AKAP13: variants seen among roughly 807,000 people sequenced by gnomAD.
The protein encoded by AKAP13 is A-kinase anchoring protein 13.
AKAP13 carries 80 observed loss-of-function variants against 264.5 expected under a neutral mutation model. That is an observed-to-expected ratio of 0.30 (90% CI 0.25 to 0.36). The LOEUF (loss-of-function observed/expected upper bound fraction) is 0.36. Ranked by LOEUF, AKAP13 falls within the 10% of genes least tolerant of loss-of-function variation. AKAP13 has a pLI of 1.00. For missense variants in AKAP13, 3,712 were observed against 3,435.2 expected (o/e 1.08, Z -2.01); for synonymous variants, 1,380 against 1,250.2 (o/e 1.10, Z -2.19).
chr15:85,441,193 G>A (rs1354129892), intron 1 of AKAP13, among the ~76,000 whole-genome samples: 1 of 151,852 alleles, frequency 6.6e-6, no homozygotes, highest in African/African-American at 2.4e-5. Flanking sequence ...CCAATACTTG[G>A]TATTTTTAAT....
At chr15:85,686,875 A>T (rs890440563) in intron 16 of AKAP13, among the ~76,000 whole-genome samples, 3 of 152,088 alleles carry the variant, frequency 2.0e-5, no homozygotes, top group Admixed American at 6.5e-5. Context: ...ACCTTGAAAA[A>T]CTTTATGATC....
intron 1 of AKAP13, among the ~76,000 whole-genome samples, chr15:85,458,605 GT>G (rs1160244413): frequency 6.6e-6 from 1 of 151,918 alleles, no homozygotes; most frequent in Non-Finnish European, 1.5e-5. Flanking sequence ...ATTTGTAAAT[GT>G]TTGATTTTTA....
intron 8 of AKAP13, among the ~76,000 whole-genome samples, chr15:85,620,408 A>C (rs2081130106): frequency 6.6e-6 from 1 of 152,186 alleles, no homozygotes; most frequent in Non-Finnish European, 1.5e-5. Context: ...ACTTTCATTA[A>C]AATGGATTCT....
intron 8 of AKAP13, among the ~76,000 whole-genome samples, chr15:85,633,628 G>C (rs2081955025): frequency 7.1e-6 from 1 of 140,430 alleles, no homozygotes; most frequent in East Asian, 2.1e-4. Flanking sequence ...ACTGCAAGCT[G>C]AGCCTCCCGG....
intron 5 of AKAP13, among the ~76,000 whole-genome samples, chr15:85,561,219 G>A (rs1466660386): frequency 6.6e-6 from 1 of 151,970 alleles, no homozygotes; most frequent in African/African-American, 2.4e-5. Flanking sequence ...CACCACACCT[G>A]GCTAATTTTT....
rs895693756 is a variant in AKAP13 at position 85,582,110 on chromosome 15, A to G, written c.4039+3A>G. ...CCAGGGGCCTGAGCCAGCAGCAGGT[A>G]AGCAAAACATAATACAAAATTAACA... On this transcript the variant is annotated splice_donor_region_variant and intron_variant, in intron 7 of 36. Coordinates refer to ENST00000394518, the MANE Select transcript of AKAP13 (RefSeq NM_007200.5). The G allele has an allele frequency of 4.4e-6, 7 of 1,581,382 alleles. No homozygotes were observed.
intron 1 of AKAP13, among the ~76,000 whole-genome samples, chr15:85,417,012 T>C (rs1469689232): frequency 6.6e-6 from 1 of 152,244 alleles, no homozygotes; most frequent in East Asian, 1.9e-4. Flanking sequence ...GGATTTTTAT[T>C]CACTAGTTTG....
chr15:85,380,662 A>G lies in AKAP13; in HGVS notation c.-148A>G. 6.6e-6 allele frequency: 1 copy of G among 151,490 alleles called. No individual in the cohort carries two copies. Among genetic ancestry groups the G allele is most frequent in the East Asian group, 2.0e-4 (1 of 5,036 alleles). 9.4% of individuals were successfully genotyped at this position (151,490 alleles called of 1,614,324 possible). A position where few individuals can be genotyped will look rare whatever the true frequency, so the allele number is the denominator to read the frequency against. On this transcript the variant is annotated 5_prime_UTR_variant, in exon 1 of 37. Transcript: ENST00000394518. ...GGTGAAGCGCCTGTGCTCTGCCGAG[A>G]CTGCCGTGCCCATTGCTCGCCTCGG...
At chr15:85,620,178 G>C (rs1353641015) in intron 8 of AKAP13, 8 of 1,535,164 alleles carry the variant, frequency 5.2e-6, no homozygotes, top group Non-Finnish European at 6.1e-6. Flanking sequence ...TGAAGGTAAG[G>C]GGGGCTGCAC....
intron 4 of AKAP13, chr15:85,535,566 C>T (rs1034628928): frequency 7.9e-5 from 12 of 152,126 alleles, no homozygotes; most frequent in Non-Finnish European, 4.4e-5. Context: ...ACCTCTAGCT[C>T]CTCCTATTTC....
In AKAP13 at chr15:85,514,306, TA is replaced by T. The variant is rs1264195219; in HGVS notation, c.34-7115del. On this transcript the variant is annotated intron_variant, in intron 2 of 36. Transcript: ENST00000394518. Reference sequence around the variant, plus strand: ...TATGGACTCATGACTTCCTATTTGTTAAAAAAATTGTTTATAATTTATTGCT... The same window carrying T: ...TATGGACTCATGACTTCCTATTTGTTAAAAAATTGTTTATAATTTATTGCT... Among the ~76,000 whole-genome samples, 2 of 138,480 alleles carry T rather than the reference TA, an allele frequency of 1.4e-5. 1 individual carries two copies. Among genetic ancestry groups the T allele is most frequent in the Admixed American group, 1.5e-4 (2 of 13,762 alleles). 90.8% of individuals were successfully genotyped at this position (138,480 alleles called of 152,430 possible).
intron 8 of AKAP13, among the ~76,000 whole-genome samples, chr15:85,614,208 G>A (rs932700366): frequency 3.3e-5 from 5 of 152,308 alleles, no homozygotes; most frequent in South Asian, 2.1e-4. Context: ...CTGAGGAGCC[G>A]TTGTGGGAAT....
At chr15:85,442,529 TATAATA>T (rs1567059815) in intron 1 of AKAP13, among the ~76,000 whole-genome samples, 3 of 124,768 alleles carry the variant, frequency 2.4e-5, no homozygotes, top group African/African-American at 9.3e-5. Context: ...TTATATTATA[TATAATA>T]TATATTATAT....
At chr15:85,631,752 C>T (rs888113937) in intron 8 of AKAP13, among the ~76,000 whole-genome samples, 1 of 152,076 alleles carries the variant, frequency 6.6e-6, no homozygotes, top group African/African-American at 2.4e-5. Flanking sequence ...TGGGGATAAA[C>T]GGGAACTTTC....
chr15:85,727,798 A>G lies in AKAP13; in HGVS notation c.7087+335A>G, dbSNP rs1018532671. Among the ~76,000 whole-genome samples the G allele has an allele frequency of 6.6e-6, 1 of 152,198 alleles. No homozygotes were observed. Among genetic ancestry groups the G allele is most frequent in the African/African-American group, 2.4e-5 (1 of 41,446 alleles). Reference sequence around the variant, plus strand: ...ATTTGTAGTCACATCTAAGATTAAAACAAGGAGAGAAAGGAATTTGGGGAA... The same window carrying G: ...ATTTGTAGTCACATCTAAGATTAAAGCAAGGAGAGAAAGGAATTTGGGGAA... On this transcript the variant is annotated intron_variant, in intron 29 of 36. Transcript: ENST00000394518. The surrounding 1 kb of genome is among the most constrained non-coding windows in gnomAD (Gnocchi z 5.3).
chr15:85,447,371 T>TA (rs552221851), intron 1 of AKAP13, among the ~76,000 whole-genome samples: 1 of 151,980 alleles, frequency 6.6e-6, no homozygotes, highest in Non-Finnish European at 1.5e-5. Flanking sequence ...ACTCCTTTTT[T>TA]AAAAAAAAAT....
intron 10 of AKAP13, among the ~76,000 whole-genome samples, chr15:85,647,907 G>A (rs1424020282): frequency 1.1e-4 from 17 of 152,018 alleles, no homozygotes; most frequent in Admixed American, 9.8e-4. Context: ...CAGCCTGGGC[G>A]ACAGAGCGAG....
At position 85,695,083 on chromosome 15, in the gene AKAP13, T is replaced by C. The variant is rs886146501; in HGVS notation, c.5464+1632T>C. On this transcript the variant is annotated intron_variant, in intron 17 of 36. Transcript: ENST00000394518. ...GTAGCTGGTATTAGGCATGCACCAC[T>C]GTGCCTGGTAGAAATTTGAAATGTT... 1.2e-4 allele frequency among the ~76,000 whole-genome samples: 19 copies of C among 152,114 alleles called. No individual in the cohort carries two copies. In the East Asian group the frequency reaches 1.3e-3, roughly 11 times the overall value.
In AKAP13 at chr15:85,748,654, G is replaced by C. The variant is rs979350788; in HGVS notation, c.*3977G>C. 2.4e-4 allele frequency: 37 copies of C among 152,360 alleles called. No individual in the cohort carries two copies. The highest frequency in any genetic ancestry group is 2.1e-4 in the South Asian group (1 of 4,830). The allele number at this position is 152,360 out of a possible 1,614,324, so 9.4% of individuals were successfully genotyped here. ...TAATGCTGCCATAAAAGGGAGGCGG[G>C]GGGGAGGAAGGGAAAATAAAGGCAT... On this transcript the variant is annotated 3_prime_UTR_variant, in exon 37 of 37. Coordinates refer to ENST00000394518, the MANE Select transcript of AKAP13 (RefSeq NM_007200.5).
Sources: gnomAD v4.1 joint callset for allele counts (sites outside exome capture counted in the v4.1 genomes callset) on GRCh38, gnomAD v4.1.1 for gene constraint, Gnocchi (gnomAD v3.1) non-coding constraint, MANE v1.5 for transcripts, NCBI Gene and HGNC (gene_info 2026-07-23, HGNC 2026-07-21) for gene names.